BROX: variants seen among roughly 807,000 people sequenced by gnomAD.
BROX encodes BRO1 domain-containing protein BROX.
In BROX, 53 loss-of-function variants were observed where a neutral mutation model predicts 61.0. The observed-to-expected ratio is 0.87, with a 90% confidence interval of 0.70 to 1.09. The LOEUF (loss-of-function observed/expected upper bound fraction) is 1.09, where lower values mean the gene tolerates loss of function less well. BROX is among the 50% of genes least tolerant of loss of function. The pLI is 0.00. For missense variants in BROX, 489 were observed against 472.0 expected, an observed-to-expected ratio of 1.04 and a Z score of -0.33; for synonymous variants, 152 against 160.2, an observed-to-expected ratio of 0.95 and a Z score of 0.38.
At chr1:222,724,554 C>T (rs1657358182) in intron 6 of BROX, among the ~76,000 whole-genome samples, 1 of 152,158 alleles carries the variant, frequency 6.6e-6, no homozygotes, top group African/African-American at 2.4e-5. Flanking sequence ...TGCTCTGTAT[C>T]TCACTAAAAA....
intron 9 of BROX, among the ~76,000 whole-genome samples, chr1:222,729,256 T>G (rs1657753390): frequency 6.6e-6 from 1 of 152,200 alleles, no homozygotes; most frequent in South Asian, 2.1e-4. Flanking sequence ...GTTTTGTTAA[T>G]TAGAATATCA....
rs113851318 is a variant in BROX, at chr1:222,719,206, A to G, written c.209-57A>G. The G allele has an allele frequency of 1.4e-3, 1,926 of 1,387,446 alleles. 23 individuals are homozygous for G. The African/African-American group carries it at 0.024, about 17-fold the overall frequency. 85.9% of individuals were successfully genotyped at this position (1,387,446 alleles called of 1,614,324 possible). ...TAATCTGAAAATTTTTCCAAACAGA[A>G]CACTCAATATTTCTTCTAATTCTTC... On this transcript the variant is annotated intron_variant, in intron 3 of 12. Transcript: ENST00000340934.
chr1:222,731,325 G>T, intron 11 of BROX, 32 bp from the exon 12 acceptor site: 1 of 1,533,570 alleles, frequency 6.5e-7, no homozygotes, highest in Non-Finnish European at 8.7e-7. Flanking sequence ...ACGAACAAAT[G>T]AATGAATTGC....
chr1:222,730,233 T>C, intron 11 of BROX, 56 bp downstream of exon 11: 2 of 1,149,472 alleles, frequency 1.7e-6, no homozygotes, highest in African/African-American at 1.6e-5. Context: ...TATGATTATA[T>C]TAAAATATTA....
intron 1 of BROX, chr1:222,713,904 T>TA (rs996872049): frequency 1.8e-4 from 28 of 152,190 alleles, no homozygotes; most frequent in African/African-American, 6.0e-4. Context: ...TTTCGTTGGG[T>TA]ACACACTGTA....
intron 4 of BROX, among the ~76,000 whole-genome samples, chr1:222,720,416 T>C (rs1279532131): frequency 1.3e-5 from 2 of 152,204 alleles, no homozygotes; most frequent in Admixed American, 6.5e-5. Flanking sequence ...AAAAGACTTT[T>C]TTAAAGAATC....
intron 5 of BROX, 65 bp from the exon 6 acceptor site, chr1:222,724,027 G>T: frequency 9.0e-7 from 1 of 1,116,166 alleles, no homozygotes; most frequent in Non-Finnish European, 1.3e-6. Context: ...ATAATGTATT[G>T]GTTGTTGTGT....
At chr1:222,728,650 T>G in intron 8 of BROX, 93 bp from the exon 9 acceptor site, 1 of 731,586 alleles carries the variant, frequency 1.4e-6, no homozygotes. Flanking sequence ...TTGAATGGCA[T>G]TCTTTCTGCT....
rs994351890 is a variant in BROX, at chr1:222,712,714, A to G, written c.-245A>G. The G allele has an allele frequency of 1.5e-6, 2 of 1,291,412 alleles. No homozygotes were observed. The highest frequency in any genetic ancestry group is 2.0e-6 in the Non-Finnish European group (2 of 990,254). The allele number at this position is 1,291,412 out of a possible 1,614,324, so 80.0% of individuals were successfully genotyped here. A position where few individuals can be genotyped will look rare whatever the true frequency, so the allele number is the denominator to read the frequency against. On this transcript the variant is annotated 5_prime_UTR_variant, in exon 1 of 13. It removes the in-frame stop codon of an upstream open reading frame in the 5' UTR. Coordinates refer to ENST00000340934, the MANE Select transcript of BROX (RefSeq NM_144695.4). ...AAGGGATGATGAACGAAGCGTTTTG[A>G]GGGGACTGCAACGCCGCGGCAATAC... is the stretch of plus-strand genomic sequence containing the variant.
Position 222,734,906 on chromosome 1 carries a change from T to C in BROX, c.*2192T>C, listed in dbSNP as rs1416272451. 1.3e-5 allele frequency: 2 copies of C among 152,232 alleles called. No homozygotes were observed. The highest frequency in any genetic ancestry group is 4.8e-5 in the African/African-American group (2 of 41,462). 9.4% of individuals were successfully genotyped at this position (152,232 alleles called of 1,614,324 possible). A position where few individuals can be genotyped will look rare whatever the true frequency, so the allele number is the denominator to read the frequency against. On this transcript the variant is annotated 3_prime_UTR_variant, in exon 13 of 13. Transcript: ENST00000340934. ...CAATACTGGTATTACTTTACATCAG[T>C]AGGCATCTTTGACATGAGCATATAA... is the stretch of plus-strand genomic sequence containing the variant.
chr1:222,729,557 A>G (rs1657778354), intron 9 of BROX, 63 bp from the exon 10 acceptor site: 1 of 1,314,838 alleles, frequency 7.6e-7, no homozygotes, highest in South Asian at 1.2e-5. Context: ...ATAGATACAT[A>G]AAACAATAGG....
chr1:222,732,920 A>G lies in BROX; in HGVS notation c.*206A>G. 1.9e-6 allele frequency: 1 copy of G among 530,596 alleles called. No homozygotes were observed. Among genetic ancestry groups the G allele is most frequent in the African/African-American group, 1.9e-5 (1 of 51,316 alleles). The allele number at this position is 530,596 out of a possible 1,614,324, so 32.9% of individuals were successfully genotyped here. On this transcript the variant is annotated 3_prime_UTR_variant, in exon 13 of 13. Coordinates refer to ENST00000340934, the MANE Select transcript of BROX (RefSeq NM_144695.4). ...TTTCAGACTCTCCTTTTTAATCAGG[A>G]CAACATTTGAAAGATTTTATTGTGC...
chr1:222,720,987 TTA>T (rs1558229862), intron 4 of BROX, among the ~76,000 whole-genome samples: 1 of 152,172 alleles, frequency 6.6e-6, no homozygotes, highest in African/African-American at 2.4e-5. Flanking sequence ...TGTTGTGAGT[TTA>T]TCTGTTCTGA....
rs1032160453 is a variant in BROX at position 222,734,837 on chromosome 1, C to T, written c.*2123C>T. 1 of 152,082 alleles carries T rather than the reference C, an allele frequency of 6.6e-6. No homozygotes were observed. The highest frequency in any genetic ancestry group is 1.5e-5 in the Non-Finnish European group (1 of 68,020). The allele number at this position is 152,082 out of a possible 1,614,324, so 9.4% of individuals were successfully genotyped here. ...TTTTTGGGGATGATACTACCATATA[C>T]GAAATGGAAAATGTAATATGCTCAG... On this transcript the variant is annotated 3_prime_UTR_variant, in exon 13 of 13. Transcript: ENST00000340934.
At position 222,719,012 on chromosome 1, in the gene BROX, A is replaced by G. The variant is rs1324056679; in HGVS notation, c.189A>G (p.Ser63=). 1.2e-6 allele frequency: 2 copies of G among 1,613,194 alleles called. No individual in the cohort carries two copies. The highest frequency in any genetic ancestry group is 1.7e-6 in the Non-Finnish European group (2 of 1,179,576). Residue 63 remains serine (S), a synonymous_variant, in exon 3 of 13, where the codon TCA becomes TCG. Transcript: ENST00000340934. The part of the protein sequence containing the change: ...NPEMMKNAAD[S]YFSLLQGFIN... Reference sequence around the variant, plus strand: ...AAATGATGAAGAATGCAGCAGATTCATATTTCTCACTTTTACAAGGTTAGT... The same window carrying G: ...AAATGATGAAGAATGCAGCAGATTCGTATTTCTCACTTTTACAAGGTTAGT...
At chr1:222,732,436 A>C (rs554344843) in intron 12 of BROX, among the ~76,000 whole-genome samples, 192 bp from the exon 13 acceptor site, 133 of 152,296 alleles carry the variant, frequency 8.7e-4, no homozygotes, top group African/African-American at 3.0e-3. Flanking sequence ...CTAGGTTTTC[A>C]TCTCTACTGA....
In BROX at chr1:222,715,756, T is replaced by G. The variant is rs766520579; in HGVS notation, c.57T>G (p.Asn19Lys). 1.3e-6 allele frequency: 2 copies of G among 1,597,746 alleles called. No individual in the cohort carries two copies. Among genetic ancestry groups the G allele is most frequent in the Admixed American group, 3.4e-5 (2 of 58,844 alleles). ...AAGCCACAGCTCCTGTGTCTTTTAA[T>G]TACTATGGTGTAGTCACTGGCCCTT... The part of the protein sequence containing the change: ...PLKATAPVSF[N>K]YYGVVTGPSA... The change falls in exon 2 of 13, where the codon AAT becomes AAG. Residue 19 changes from asparagine to lysine, a missense_variant. By Grantham distance (94) the Asn-to-Lys change is moderately conservative (BLOSUM62 0). Coordinates refer to ENST00000340934, the MANE Select transcript of BROX (RefSeq NM_144695.4).
intron 3 of BROX, 31 bp downstream of exon 3, chr1:222,719,062 T>A (rs1558228206): frequency 9.7e-6 from 15 of 1,546,836 alleles, no homozygotes; most frequent in Admixed American, 1.8e-5. Flanking sequence ...TGAGGTTTTT[T>A]AAAAAACTGT....
rs558623443 is a variant in BROX, at chr1:222,732,780, T to C, written c.*66T>C. 11 of 1,254,078 alleles carry C rather than the reference T, an allele frequency of 8.8e-6. No homozygotes were observed. In the South Asian group the frequency reaches 1.4e-4, roughly 16 times the overall value. The allele number at this position is 1,254,078 out of a possible 1,614,324, so 77.7% of individuals were successfully genotyped here. A position where few individuals can be genotyped will look rare whatever the true frequency, so the allele number is the denominator to read the frequency against. ...ATAAACCACAGAATTTCAGTTCTTA[T>C]TTCTCAAAATGATTTCTCTGAAGCT... On this transcript the variant is annotated 3_prime_UTR_variant, in exon 13 of 13. Transcript: ENST00000340934.
Sources: allele counts gnomAD v4.1 joint callset (sites outside exome capture counted in the v4.1 genomes callset), GRCh38; gene constraint gnomAD v4.1.1; transcripts MANE v1.5; gene names NCBI Gene and HGNC (gene_info 2026-07-23, HGNC 2026-07-21).